Variants in SLC9A9 observed in about 807,000 individuals in gnomAD.
SLC9A9 encodes the protein solute carrier family 9 member A9.
A neutral mutation model predicts 77.8 loss-of-function variants in SLC9A9; 62 were observed. The ratio of observed to expected loss-of-function variants is 0.80; its 90% CI spans 0.65 to 0.98. The LOEUF (loss-of-function observed/expected upper bound fraction) is 0.98, where lower values mean the gene tolerates loss of function less well. Among genes scored for constraint, SLC9A9 ranks in the 50% least tolerant of loss-of-function variants. SLC9A9 has a pLI of 0.00. For synonymous variants in SLC9A9, 320 were observed against 283.5 expected (o/e 1.13, Z -1.29); for missense variants, 775 against 774.9 (o/e 1.00, Z 0.00).
chr3:143,582,707 G>A (rs959960885), intron 6 of SLC9A9, among the ~76,000 whole-genome samples: 2 of 152,224 alleles, frequency 1.3e-5, no homozygotes, highest in Non-Finnish European at 2.9e-5. Flanking sequence ...AAGGAGGGAA[G>A]GAGTGCCCTC....
At chr3:143,375,521 C>A (rs924577) in intron 13 of SLC9A9, among the ~76,000 whole-genome samples, 129,085 of 152,194 alleles carry the variant, frequency 0.85, 54,960 homozygotes, top group African/African-American at 0.92. Context: ...GGAGAAAGAC[C>A]TACTCAGGGT....
At chr3:143,560,686 T>A (rs1440165617) in intron 8 of SLC9A9, among the ~76,000 whole-genome samples, 1 of 151,366 alleles carries the variant, frequency 6.6e-6, no homozygotes, top group East Asian at 1.9e-4. Context: ...ATAAAATTGA[T>A]GATATACTTT....
intron 14 of SLC9A9, among the ~76,000 whole-genome samples, chr3:143,269,907 GC>G (rs1559846410): frequency 6.6e-6 from 1 of 152,218 alleles, no homozygotes; most frequent in Non-Finnish European, 1.5e-5. Context: ...TCTTGGTGAT[GC>G]CTCTGGTGGA....
At chr3:143,479,306 G>A (rs1203054060) in intron 11 of SLC9A9, among the ~76,000 whole-genome samples, 3 of 151,996 alleles carry the variant, frequency 2.0e-5, no homozygotes. Flanking sequence ...GGAGTGCAGT[G>A]TGTGATCATA....
At chr3:143,570,855 A>G (rs2037245266) in intron 8 of SLC9A9, among the ~76,000 whole-genome samples, 1 of 152,204 alleles carries the variant, frequency 6.6e-6, no homozygotes, top group African/African-American at 2.4e-5. Context: ...ATTAACATGC[A>G]ATAAGAATAT....
At chr3:143,306,073 C>G (rs2030767948) in intron 14 of SLC9A9, among the ~76,000 whole-genome samples, 1 of 152,074 alleles carries the variant, frequency 6.6e-6, no homozygotes, top group African/African-American at 2.4e-5. Context: ...AAAAAAAACC[C>G]TCTAAAATGT....
intron 12 of SLC9A9, among the ~76,000 whole-genome samples, chr3:143,412,070 C>T (rs1576479711): frequency 6.6e-6 from 1 of 152,158 alleles, no homozygotes; most frequent in Non-Finnish European, 1.5e-5. Context: ...ATTCCACACC[C>T]TGTAGTCAGG....
intron 4 of SLC9A9, among the ~76,000 whole-genome samples, chr3:143,762,058 G>A (rs532724045): frequency 6.6e-6 from 1 of 152,242 alleles, no homozygotes; most frequent in African/African-American, 2.4e-5. Flanking sequence ...GAATGAAGCT[G>A]GAAACCATCA....
intron 4 of SLC9A9, among the ~76,000 whole-genome samples, chr3:143,725,241 T>C (rs1214793854): frequency 5.3e-5 from 8 of 152,092 alleles, no homozygotes; most frequent in South Asian, 2.1e-4. Flanking sequence ...AAACAACAGG[T>C]GCTGGAAAGG....
At chr3:143,652,194 G>C (rs1268438942) in intron 6 of SLC9A9, 61 bp downstream of exon 6, 1 of 1,307,756 alleles carries the variant, frequency 7.6e-7, no homozygotes, top group South Asian at 1.2e-5. Flanking sequence ...TAAGAGAAAA[G>C]ATACAAGTGA....
chr3:143,633,430 C>G (rs1057046834), intron 6 of SLC9A9, among the ~76,000 whole-genome samples: 2 of 151,976 alleles, frequency 1.3e-5, no homozygotes. Flanking sequence ...TCAGAAACTT[C>G]GTTTTTTAAC....
intron 4 of SLC9A9, among the ~76,000 whole-genome samples, chr3:143,748,308 G>A (rs996226337): frequency 6.6e-6 from 1 of 152,134 alleles, no homozygotes; most frequent in African/African-American, 2.4e-5. Context: ...GCTCAGCCAA[G>A]CCAGCAAAAC....
chr3:143,615,150 A>G (rs1361645720), intron 6 of SLC9A9, among the ~76,000 whole-genome samples: 1 of 152,214 alleles, frequency 6.6e-6, no homozygotes, highest in Non-Finnish European at 1.5e-5. Flanking sequence ...GCAGACCCAG[A>G]GGCCTGTGAA....
At chr3:143,756,713 A>T (rs372297864) in intron 4 of SLC9A9, among the ~76,000 whole-genome samples, 5 of 152,302 alleles carry the variant, frequency 3.3e-5, no homozygotes, top group African/African-American at 1.2e-4. Flanking sequence ...AAAACTTCAT[A>T]CAATAAAATA....
At chr3:143,388,578 G>T (rs1471666471) in intron 12 of SLC9A9, among the ~76,000 whole-genome samples, 1 of 152,186 alleles carries the variant, frequency 6.6e-6, no homozygotes, top group Non-Finnish European at 1.5e-5. Flanking sequence ...AATATTGGCT[G>T]CCATCTAGGA....
intron 4 of SLC9A9, among the ~76,000 whole-genome samples, chr3:143,729,071 C>G (rs1450969516): frequency 1.3e-5 from 2 of 152,134 alleles, no homozygotes; most frequent in African/African-American, 4.8e-5. Flanking sequence ...TACCACCAGG[C>G]AGTTCCACCC....
chr3:143,543,474 C>T (rs751454016), intron 9 of SLC9A9, among the ~76,000 whole-genome samples: 15 of 151,762 alleles, frequency 9.9e-5, no homozygotes, highest in South Asian at 2.1e-4. Flanking sequence ...GTTAGGGGTA[C>T]GGCTGATCCT....
At chr3:143,624,655 T>C (rs1379783334) in intron 6 of SLC9A9, among the ~76,000 whole-genome samples, 2 of 152,070 alleles carry the variant, frequency 1.3e-5, no homozygotes, top group African/African-American at 2.4e-5. Flanking sequence ...CCACAGCCAA[T>C]ATCATACTGA....
intron 6 of SLC9A9, among the ~76,000 whole-genome samples, chr3:143,580,698 C>T (rs535289519): frequency 6.6e-6 from 1 of 152,316 alleles, no homozygotes; most frequent in South Asian, 2.1e-4. Flanking sequence ...GATCTGTAGT[C>T]TGCACTTTGG....
Sources: allele counts gnomAD v4.1 joint callset (sites outside exome capture counted in the v4.1 genomes callset), GRCh38; gene constraint gnomAD v4.1.1; transcripts MANE v1.5; gene names NCBI Gene and HGNC (gene_info 2026-07-23, HGNC 2026-07-21).